The following RORB variants were observed in gnomAD, a reference collection of about 807,000 sequenced individuals.
The protein encoded by RORB is RAR related orphan receptor B.
In RORB, 6 loss-of-function variants were observed where a neutral mutation model predicts 59.1. The observed-to-expected ratio is 0.10, with a 90% CI of 0.06 to 0.20. RORB has a LOEUF of 0.20. Ranked by LOEUF, RORB falls within the 10% of genes least tolerant of loss-of-function variation. RORB has a pLI of 1.00. For missense variants in RORB, 320 were observed against 560.5 expected (o/e 0.57, Z 4.33); for synonymous variants, 215 against 204.5 (o/e 1.05, Z -0.44).
chr9:74,657,211 A>T (rs771525090), intron 4 of RORB, among the ~76,000 whole-genome samples: 4 of 151,910 alleles, frequency 2.6e-5, no homozygotes, highest in East Asian at 1.9e-4. Flanking sequence ...ATGCCCAGCT[A>T]ATTTATTTAT....
intron 1 of RORB, among the ~76,000 whole-genome samples, chr9:74,592,861 ACATGCACATGCACACG>A (rs1194365955): frequency 6.6e-6 from 1 of 152,124 alleles, no homozygotes; most frequent in Non-Finnish European, 1.5e-5. Flanking sequence ...ACATGCACAC[ACATGCACATGCACACG>A]CACACACACG....
At chr9:74,627,030 C>T (rs1255799299) in intron 1 of RORB, among the ~76,000 whole-genome samples, 1 of 152,000 alleles carries the variant, frequency 6.6e-6, no homozygotes, top group Non-Finnish European at 1.5e-5. Context: ...GGCATGGTGG[C>T]ACACACCGGT....
chr9:74,666,333 C>T (rs767753479), intron 7 of RORB, among the ~76,000 whole-genome samples: 10 of 151,730 alleles, frequency 6.6e-5, no homozygotes, highest in Admixed American at 1.3e-4. Flanking sequence ...TGGTGACACA[C>T]ACCTGTAGTC....
chr9:74,659,157 CA>C (rs1824137984), intron 4 of RORB, among the ~76,000 whole-genome samples: 2 of 152,090 alleles, frequency 1.3e-5, no homozygotes, highest in Admixed American at 1.3e-4. Flanking sequence ...ACGTGCCAGG[CA>C]ATGGTCTGTA....
Position 74,687,753 on chromosome 9 carries a change from A to G in RORB, c.*2135A>G, listed in dbSNP as rs1320191029. On this transcript the variant is annotated 3_prime_UTR_variant, in exon 10 of 10. Transcript: ENST00000376896. The stretch of plus-strand genomic sequence containing the variant: ...CCAGAGTCATATTTCCTTCTAATGG[A>G]AAGATTACTCTACTGATTGCTAGGA... 4 of 152,198 alleles carry G rather than the reference A, an allele frequency of 2.6e-5. No individual in the cohort carries two copies. Among genetic ancestry groups the G allele is most frequent in the Non-Finnish European group, 5.9e-5 (4 of 68,032 alleles). 9.4% of individuals were successfully genotyped at this position (152,198 alleles called of 1,614,324 possible). A position where few individuals can be genotyped will look rare whatever the true frequency, so the allele number is the denominator to read the frequency against.
intron 1 of RORB, among the ~76,000 whole-genome samples, chr9:74,540,753 G>A (rs1002432869): frequency 1.2e-4 from 18 of 152,048 alleles, no homozygotes; most frequent in Admixed American, 9.8e-4. Flanking sequence ...TCTGCTTTTA[G>A]AAACAATGCT....
In RORB at chr9:74,638,354, T is replaced by C. The variant is rs371598373; in HGVS notation, c.235+3582T>C. Among the ~76,000 whole-genome samples the C allele has an allele frequency of 6.6e-3, 1,012 of 152,340 alleles. 13 individuals are homozygous for C. The highest frequency in any genetic ancestry group is 0.023 in the African/African-American group (973 of 41,582). ...CAAATAAATATAAAATGATTTCCGA[T>C]ACTTTCACATTAAATTGTTCTTTAG... is the stretch of plus-strand genomic sequence containing the variant. On this transcript the variant is annotated intron_variant, in intron 3 of 9. Coordinates refer to ENST00000376896, the MANE Select transcript of RORB (RefSeq NM_006914.4).
chr9:74,557,083 C>T (rs1822305678), intron 1 of RORB, among the ~76,000 whole-genome samples: 1 of 152,094 alleles, frequency 6.6e-6, no homozygotes, highest in South Asian at 2.1e-4. Flanking sequence ...AACTCTTTCC[C>T]CATGTAGCTC....
intron 1 of RORB, among the ~76,000 whole-genome samples, chr9:74,629,610 G>T (rs1477654472): frequency 6.6e-6 from 1 of 151,974 alleles, no homozygotes; most frequent in Non-Finnish European, 1.5e-5. Context: ...ATTTCAGTTT[G>T]TATTGAATTC....
At chr9:74,636,952 C>T (rs1176496540) in intron 3 of RORB, among the ~76,000 whole-genome samples, 5 of 152,124 alleles carry the variant, frequency 3.3e-5, no homozygotes, top group African/African-American at 1.2e-4. Context: ...ATAGGTTTTA[C>T]CTCCTATTGA....
chr9:74,547,058 C>T (rs760825095), intron 1 of RORB, among the ~76,000 whole-genome samples: 11 of 152,172 alleles, frequency 7.2e-5, no homozygotes, highest in African/African-American at 1.2e-4. Context: ...CACACCACCA[C>T]ACTCCAGCCT....
chr9:74,519,077 C>A (rs1267117503), intron 1 of RORB, among the ~76,000 whole-genome samples: 1 of 151,794 alleles, frequency 6.6e-6, no homozygotes, highest in East Asian at 1.9e-4. Context: ...TATTTATACC[C>A]CAGTAAATGA....
chr9:74,499,465 GGA>G (rs1825774918), intron 1 of RORB, among the ~76,000 whole-genome samples: 1 of 152,154 alleles, frequency 6.6e-6, no homozygotes, highest in Non-Finnish European at 1.5e-5. Context: ...AAGAAGGAAC[GGA>G]GAGAGACTGT....
chr9:74,651,364 GTC>G (rs1292527844), intron 4 of RORB, among the ~76,000 whole-genome samples: 1 of 152,036 alleles, frequency 6.6e-6, no homozygotes, highest in African/African-American at 2.4e-5. Context: ...GAGAAACCCT[GTC>G]TCCACTAAAA....
intron 1 of RORB, among the ~76,000 whole-genome samples, chr9:74,569,591 G>C (rs1444802919): frequency 6.6e-6 from 1 of 151,982 alleles, no homozygotes; most frequent in East Asian, 1.9e-4. Flanking sequence ...GTAAAAACCA[G>C]TCACAAATAC....
intron 1 of RORB, among the ~76,000 whole-genome samples, chr9:74,596,184 A>G (rs1450003639): frequency 1.3e-5 from 2 of 152,158 alleles, no homozygotes; most frequent in African/African-American, 4.8e-5. Flanking sequence ...TTATGAAAAC[A>G]CCTGTACTTT....
intron 1 of RORB, among the ~76,000 whole-genome samples, chr9:74,594,605 G>GA (rs1563947231): frequency 6.6e-6 from 1 of 152,182 alleles, no homozygotes; most frequent in Non-Finnish European, 1.5e-5. Flanking sequence ...TATGCATAGG[G>GA]AAAGTTCATA....
intron 4 of RORB, among the ~76,000 whole-genome samples, chr9:74,650,021 C>A (rs1823966627): frequency 6.6e-6 from 1 of 152,168 alleles, no homozygotes; most frequent in Non-Finnish European, 1.5e-5. Flanking sequence ...CCACCACCAA[C>A]AACAACAAAA....
intron 1 of RORB, among the ~76,000 whole-genome samples, chr9:74,562,767 T>C (rs1376350538): frequency 6.6e-6 from 1 of 152,224 alleles, no homozygotes; most frequent in East Asian, 1.9e-4. Flanking sequence ...TTTTTAAATG[T>C]TTCTTATTTT....
Sources: gnomAD v4.1 joint callset for allele counts (sites outside exome capture counted in the v4.1 genomes callset) on GRCh38, gnomAD v4.1.1 for gene constraint, MANE v1.5 for transcripts, NCBI Gene and HGNC (gene_info 2026-07-23, HGNC 2026-07-21) for gene names.